BMP1: variants seen among roughly 807,000 people sequenced by gnomAD.
BMP1 encodes mammalian tolloid protein.
Under a neutral mutation model 116.8 loss-of-function variants are expected in BMP1, and 63 were observed. That is an observed-to-expected ratio of 0.54 (90% CI 0.44 to 0.67). BMP1 has a LOEUF of 0.67. BMP1 is among the 30% of genes least tolerant of loss of function. The pLI is 0.00. For missense variants in BMP1, 1,183 were observed against 1,358.9 expected, an observed-to-expected ratio of 0.87 and a Z score of 2.04; for synonymous variants, 536 against 533.4, an observed-to-expected ratio of 1.00 and a Z score of -0.07.
intron 1 of BMP1, among the ~76,000 whole-genome samples, chr8:22,165,882 C>CGCGTGTGT (rs1554477754): frequency 1.8e-4 from 23 of 131,418 alleles, no homozygotes; most frequent in Admixed American, 2.3e-4. Flanking sequence ...CCTGTGCGTG[C>CGCGTGTGT]GTGTGTGTGT....
chr8:22,197,160 A>C, intron 14 of BMP1, 80 bp from the exon 15 acceptor site: 1 of 1,537,910 alleles, frequency 6.5e-7, no homozygotes, highest in Non-Finnish European at 8.8e-7. Flanking sequence ...GGATGTGCAG[A>C]ACAGAGAGCT....
At chr8:22,207,273 T>G in intron 17 of BMP1, 30 bp from the exon 18 acceptor site, 1 of 1,595,460 alleles carries the variant, frequency 6.3e-7, no homozygotes, top group Non-Finnish European at 8.6e-7. Flanking sequence ...AGCCAAATTT[T>G]TAATCTGTGC....
intron 18 of BMP1, among the ~76,000 whole-genome samples, chr8:22,208,194 A>G (rs1829400663): frequency 6.6e-6 from 1 of 152,174 alleles, no homozygotes; most frequent in Non-Finnish European, 1.5e-5. Context: ...CATTCTCCTG[A>G]TACTTATTGA....
At position 22,165,516 on chromosome 8, in the gene BMP1, C is replaced by T; in HGVS notation, c.111C>T (p.Asp37=). The T allele has an allele frequency of 1.3e-6, 2 of 1,592,196 alleles. No homozygotes were observed. The highest frequency in any genetic ancestry group is 1.7e-6 in the Non-Finnish European group (2 of 1,171,502). Residue 37 remains aspartate (D), a synonymous_variant, in exon 1 of 20, where the codon GAC becomes GAT. Coordinates refer to ENST00000306385, the MANE Select transcript of BMP1 (RefSeq NM_006129.5). ...DYTYDLAEED[D]SEPLNYKDPC... is the part of the protein sequence containing the mutation. ...CCTATGACCTGGCGGAGGAGGACGA[C>T]TCGGAGCCCCTCAACTACAAAGACC...
chr8:22,194,593 A>T lies in BMP1; in HGVS notation c.1443+3A>T. 6.2e-7 allele frequency: 1 copy of T among 1,614,002 alleles called. No homozygotes were observed. On this transcript the variant is annotated splice_donor_region_variant and intron_variant, in intron 11 of 19. Coordinates refer to ENST00000306385, the MANE Select transcript of BMP1 (RefSeq NM_006129.5). This position sits in a 1 kb window ranked among gnomAD's most constrained non-coding sequence, Gnocchi z 4.5. Reference sequence around the variant, plus strand: ...GCCTCACATTCCAGTCCTTTGAGGTAGGTCAGTGGCCCTGTGATCTGACCT... The same window carrying T: ...GCCTCACATTCCAGTCCTTTGAGGTTGGTCAGTGGCCCTGTGATCTGACCT...
rs751062082 is a variant in BMP1 at position 22,195,480 on chromosome 8, G to A, written c.1658G>A (p.Arg553Gln). The A allele has an allele frequency of 8.7e-6, 14 of 1,609,556 alleles. No individual in the cohort carries two copies. The South Asian group carries it at 1.4e-4, about 17-fold the overall frequency. Reference protein sequence around the residue: ...NFFKEVDECSRPNRGGCEQRC... With the variant: ...NFFKEVDECSQPNRGGCEQRC... ...ACCACAGAGGTGGACGAGTGCTCTC[G>A]GCCCAACCGCGGGGGCTGTGAGCAG... The change falls in exon 13 of 20, where the codon CGG becomes CAG. Residue 553 changes from arginine (R) to glutamine (Q), a missense_variant. By Grantham distance (43) the Arg-to-Gln change is conservative. Coordinates refer to ENST00000306385, the MANE Select transcript of BMP1 (RefSeq NM_006129.5).
Position 22,209,425 on chromosome 8 carries a change from G to A in BMP1, c.2576-20G>A, listed in dbSNP as rs781280420. 6.2e-7 allele frequency: 1 copy of A among 1,611,986 alleles called. No individual in the cohort carries two copies. Among genetic ancestry groups the A allele is most frequent in the Non-Finnish European group, 8.5e-7 (1 of 1,178,480 alleles). On this transcript the variant is annotated intron_variant, in intron 18 of 19. Coordinates refer to ENST00000306385, the MANE Select transcript of BMP1 (RefSeq NM_006129.5). Reference sequence around the variant, plus strand: ...CACCTGCGGTGCTCAGGGCTGGTTGGCCCCTCTTGTCCCCTACAGAGTGCG... The same window carrying A: ...CACCTGCGGTGCTCAGGGCTGGTTGACCCCTCTTGTCCCCTACAGAGTGCG...
At chr8:22,192,200 G>A in intron 9 of BMP1, 49 bp downstream of exon 9, 1 of 1,507,782 alleles carries the variant, frequency 6.6e-7, no homozygotes, top group South Asian at 1.1e-5. Flanking sequence ...TTCCCTCTCT[G>A]AGCCACCCTC....
At chr8:22,190,571 G>A (rs370720928) in intron 8 of BMP1, among the ~76,000 whole-genome samples, 1 of 152,218 alleles carries the variant, frequency 6.6e-6, no homozygotes, top group Non-Finnish European at 1.5e-5. Flanking sequence ...GTGTGTGGCC[G>A]GGAAGGTATA....
At chr8:22,167,557 G>A (rs557098076) in intron 1 of BMP1, among the ~76,000 whole-genome samples, 16 of 152,344 alleles carry the variant, frequency 1.1e-4, no homozygotes, top group Non-Finnish European at 2.4e-4. Context: ...GGAAATGGGA[G>A]TGATTTTCAG....
intron 15 of BMP1, chr8:22,199,294 C>T (rs1461805982): frequency 1.5e-6 from 2 of 1,366,562 alleles, no homozygotes; most frequent in Non-Finnish European, 2.0e-6. Context: ...TTGGGACACC[C>T]ACCGAGGAGA....
chr8:22,201,402 C>G (rs1363151604), intron 15 of BMP1: 2 of 1,443,292 alleles, frequency 1.4e-6, no homozygotes, highest in Non-Finnish European at 1.8e-6. Context: ...TGCCCTACCC[C>G]CTCCCATTTT....
At position 22,209,602 on chromosome 8, in the gene BMP1, G is replaced by A; in HGVS notation, c.2733G>A (p.Val911=). ...GVELVFQTFE[V]EEETDCGYDY... The stretch of plus-strand genomic sequence containing the variant: ...AGCTCGTGTTCCAGACCTTTGAGGT[G>A]GAGGAGGAGACCGACTGCGGCTATG... The change falls in exon 19 of 20, where the codon GTG becomes GTA. Residue 911 remains valine (V), a synonymous_variant. Coordinates refer to ENST00000306385, the MANE Select transcript of BMP1 (RefSeq NM_006129.5). The A allele has an allele frequency of 6.2e-7, 1 of 1,614,240 alleles. No individual in the cohort carries two copies. Among genetic ancestry groups the A allele is most frequent in the Non-Finnish European group, 8.5e-7 (1 of 1,180,024 alleles).
At chr8:22,198,344 C>G (rs937760944) in intron 15 of BMP1, 1 of 152,200 alleles carries the variant, frequency 6.6e-6, no homozygotes, top group African/African-American at 2.4e-5. Context: ...TTTGATGGCC[C>G]CATCTTCAGG....
chr8:22,195,657 T>G, intron 13 of BMP1, 70 bp downstream of exon 13: 1 of 1,567,666 alleles, frequency 6.4e-7, no homozygotes, highest in Non-Finnish European at 8.6e-7. Context: ...AGAATTTTTT[T>G]TTTTTTTAGA....
At chr8:22,200,156 A>G (rs1297262062) in intron 15 of BMP1, among the ~76,000 whole-genome samples, 2 of 152,218 alleles carry the variant, frequency 1.3e-5, no homozygotes. Flanking sequence ...GACCACAGAC[A>G]GACCTGAGTG....
rs1361499821 is a variant in BMP1, at chr8:22,194,599, G to T, written c.1443+9G>T. 1.9e-6 allele frequency: 3 copies of T among 1,613,864 alleles called. No homozygotes were observed. Among genetic ancestry groups the T allele is most frequent in the African/African-American group, 2.7e-5 (2 of 74,906 alleles). ...CATTCCAGTCCTTTGAGGTAGGTCA[G>T]TGGCCCTGTGATCTGACCTTTGAAT... On this transcript the variant is annotated intron_variant, in intron 11 of 19. Coordinates refer to ENST00000306385, the MANE Select transcript of BMP1 (RefSeq NM_006129.5). This position sits in a 1 kb window ranked among gnomAD's most constrained non-coding sequence, Gnocchi z 4.5.
At chr8:22,208,224 G>A (rs1035210171) in intron 18 of BMP1, among the ~76,000 whole-genome samples, 7 of 152,164 alleles carry the variant, frequency 4.6e-5, no homozygotes, top group Admixed American at 2.0e-4. Context: ...TGGATGAGGC[G>A]GCATCCTAAA....
chr8:22,209,538 G>C lies in BMP1; in HGVS notation c.2669G>C (p.Cys890Ser). Residue 890 changes from cysteine to serine, a missense_variant, in exon 19 of 20, where the codon TGT (cysteine) becomes TCT (serine). Around this residue, in one of 4 missense-constraint regions of BMP1, gnomAD observed 956 missense variants for 1,135.2 expected, o/e 0.84. Coordinates refer to ENST00000306385, the MANE Select transcript of BMP1 (RefSeq NM_006129.5). Reference protein sequence around the residue: ...GDNNYPGGVDCEWVIVAEEGY... With the variant: ...GDNNYPGGVDSEWVIVAEEGY... ...AACAACTACCCTGGGGGTGTGGACT[G>C]TGAGTGGGTCATTGTGGCCGAGGAA... 1 of 1,614,252 alleles carries C rather than the reference G, an allele frequency of 6.2e-7. No individual in the cohort carries two copies. Among genetic ancestry groups the C allele is most frequent in the Non-Finnish European group, 8.5e-7 (1 of 1,180,040 alleles).
Sources: gnomAD v4.1 joint callset for allele counts (sites outside exome capture counted in the v4.1 genomes callset) on GRCh38, gnomAD v4.1.1 for gene constraint, gnomAD v4.1.1 regional missense constraint, Gnocchi (gnomAD v3.1) non-coding constraint, MANE v1.5 for transcripts, NCBI Gene and HGNC (gene_info 2026-07-23, HGNC 2026-07-21) for gene names.